The following RPTOR variants were observed in gnomAD, a reference collection of about 807,000 sequenced individuals.
RPTOR encodes the protein regulatory-associated protein of mTOR.
Under a neutral mutation model 169.9 loss-of-function variants are expected in RPTOR, and 21 were observed. That is an observed-to-expected ratio of 0.12 (90% confidence interval 0.09 to 0.18). RPTOR has a LOEUF of 0.18. RPTOR is among the 10% of genes least tolerant of loss of function. RPTOR has a pLI of 1.00. For missense variants in RPTOR, 1,133 were observed against 1,855.9 expected (o/e 0.61, Z 7.16); for synonymous variants, 732 against 753.2 (o/e 0.97, Z 0.46).
intron 7 of RPTOR, among the ~76,000 whole-genome samples, chr17:80,796,811 C>T (rs980759983): frequency 3.9e-5 from 6 of 152,214 alleles, no homozygotes; most frequent in Non-Finnish European, 5.9e-5. Context: ...GGGTGAACTC[C>T]CGTGGTGCCT....
At chr17:80,950,731 G>A (rs1338856445) in intron 28 of RPTOR, among the ~76,000 whole-genome samples, 1 of 152,132 alleles carries the variant, frequency 6.6e-6, no homozygotes, top group African/African-American at 2.4e-5. Context: ...GAGACAGCTG[G>A]ATGGCCAGCC....
intron 11 of RPTOR, among the ~76,000 whole-genome samples, chr17:80,855,216 A>G (rs569652922): frequency 1.4e-4 from 22 of 152,374 alleles, no homozygotes; most frequent in African/African-American, 5.1e-4. Flanking sequence ...CAATTAAAGC[A>G]TGTTTGTTCT....
rs956165391 is a variant in RPTOR, at chr17:80,687,040, A to G, written c.349-20801A>G. ...TGTCTGTGTCTTCCATAACCAAAAT[A>G]CATCACCCCACGCAATGCCTCCTAA... On this transcript the variant is annotated intron_variant, in intron 3 of 33. Coordinates refer to ENST00000306801, the MANE Select transcript of RPTOR (RefSeq NM_020761.3). Among the ~76,000 whole-genome samples the G allele has an allele frequency of 2.6e-5, 4 of 152,312 alleles. No individual in the cohort carries two copies. The East Asian group carries it at 7.7e-4, about 29-fold the overall frequency.
chr17:80,916,340 C>T (rs760579487), intron 21 of RPTOR, among the ~76,000 whole-genome samples: 4 of 152,214 alleles, frequency 2.6e-5, no homozygotes, highest in Non-Finnish European at 4.4e-5. Context: ...GTTGAAGCTG[C>T]TTGTAGTACA....
chr17:80,913,720 C>T (rs1196490939), intron 21 of RPTOR, among the ~76,000 whole-genome samples: 83 of 152,202 alleles, frequency 5.5e-4, no homozygotes, highest in South Asian at 3.7e-3. Flanking sequence ...CCCAAAATGC[C>T]AGGATTACAG....
At chr17:80,772,360 C>A (rs1411199826) in intron 6 of RPTOR, among the ~76,000 whole-genome samples, 2 of 152,174 alleles carry the variant, frequency 1.3e-5, no homozygotes, top group Non-Finnish European at 2.9e-5. Flanking sequence ...TCACTTGACC[C>A]AAATGGTGCT....
Position 80,708,077 on chromosome 17 carries a change from A to G in RPTOR, c.507+78A>G. The G allele has an allele frequency of 2.2e-6, 3 of 1,393,010 alleles. No individual in the cohort carries two copies. Among genetic ancestry groups the G allele is most frequent in the Non-Finnish European group, 2.0e-6 (2 of 1,018,628 alleles). 86.3% of individuals were successfully genotyped at this position (1,393,010 alleles called of 1,614,324 possible). A position where few individuals can be genotyped will look rare whatever the true frequency, so the allele number is the denominator to read the frequency against. Reference sequence around the variant, plus strand: ...GCGGTGGTCGGAGCAGGTCCTGCCCATCCGTAGCTTCTGTTAAGCCATTGA... The same window carrying G: ...GCGGTGGTCGGAGCAGGTCCTGCCCGTCCGTAGCTTCTGTTAAGCCATTGA... On this transcript the variant is annotated intron_variant, in intron 4 of 33. Transcript: ENST00000306801. The surrounding 1 kb of genome is among the most constrained non-coding windows in gnomAD (Gnocchi z 4.2).
chr17:80,667,908 A>G (rs538127688), intron 3 of RPTOR, among the ~76,000 whole-genome samples: 47 of 152,314 alleles, frequency 3.1e-4, no homozygotes, highest in Middle Eastern at 3.4e-3. Context: ...CTGTGAAATC[A>G]TTTTAGTGGG....
chr17:80,545,267 C>T lies in RPTOR; in HGVS notation c.-363C>T. On this transcript the variant is annotated 5_prime_UTR_variant, in exon 1 of 34. Transcript: ENST00000306801. Reference sequence around the variant, plus strand: ...TCGGAACTGCTGAGGCGGTGGAGGCCGAGAGCAGGGTCATCGTGAGGCCTG... The same window carrying T: ...TCGGAACTGCTGAGGCGGTGGAGGCTGAGAGCAGGGTCATCGTGAGGCCTG... 1 of 242,316 alleles carries T rather than the reference C, an allele frequency of 4.1e-6. No homozygotes were observed. Among genetic ancestry groups the T allele is most frequent in the Admixed American group, 5.5e-5 (1 of 18,112 alleles). 15.0% of individuals were successfully genotyped at this position (242,316 alleles called of 1,614,324 possible).
intron 1 of RPTOR, among the ~76,000 whole-genome samples, chr17:80,624,286 T>C (rs1319329346): frequency 6.6e-6 from 1 of 152,192 alleles, no homozygotes; most frequent in Non-Finnish European, 1.5e-5. Context: ...CCATATTATG[T>C]TCTGTATAGA....
intron 20 of RPTOR, among the ~76,000 whole-genome samples, chr17:80,898,589 C>A (rs1260216651): frequency 2.0e-5 from 3 of 151,568 alleles, no homozygotes; most frequent in Non-Finnish European, 4.4e-5. Context: ...TTGAGTTTTT[C>A]TTCCTTCCTA....
At chr17:80,686,982 TTTCAG>T (rs58153994) in intron 3 of RPTOR, among the ~76,000 whole-genome samples, 61,392 of 151,742 alleles carry the variant, frequency 0.4, 12,907 homozygotes, top group East Asian at 0.55. Flanking sequence ...ACTCTTGTTC[TTTCAG>T]TTCAGTAACC....
chr17:80,662,003 C>T (rs2065727828), intron 3 of RPTOR, among the ~76,000 whole-genome samples: 1 of 152,202 alleles, frequency 6.6e-6, no homozygotes, highest in African/African-American at 2.4e-5. Flanking sequence ...GCTTAGAACA[C>T]CCGTTTTTCA....
chr17:80,897,332 C>T (rs531717769), intron 20 of RPTOR, among the ~76,000 whole-genome samples: 9 of 151,954 alleles, frequency 5.9e-5, no homozygotes, highest in Middle Eastern at 3.4e-3. Flanking sequence ...ACCTTTGATA[C>T]GACATTTGCT....
chr17:80,561,067 C>CATTTT (rs1375469126), intron 1 of RPTOR, among the ~76,000 whole-genome samples: 1 of 151,828 alleles, frequency 6.6e-6, no homozygotes, highest in African/African-American at 2.4e-5. Flanking sequence ...TTCAGAATGG[C>CATTTT]ATTTTATTTT....
chr17:80,924,549 G>A (rs1433923602), intron 23 of RPTOR, among the ~76,000 whole-genome samples: 5 of 152,244 alleles, frequency 3.3e-5, no homozygotes, highest in East Asian at 1.9e-4. Context: ...TGGACTTTCC[G>A]TGTCTCGGCA....
chr17:80,642,663 T>C (rs778009514), intron 2 of RPTOR, among the ~76,000 whole-genome samples: 7 of 152,246 alleles, frequency 4.6e-5, no homozygotes, highest in African/African-American at 7.2e-5. Context: ...AGTTCGTTGA[T>C]GTGGTTTCAG....
intron 3 of RPTOR, among the ~76,000 whole-genome samples, chr17:80,699,445 A>G (rs572191110): frequency 4.0e-5 from 6 of 148,982 alleles, no homozygotes; most frequent in Admixed American, 3.3e-4. Context: ...AGTGATGGGG[A>G]GCAAGAGGTG....
intron 2 of RPTOR, among the ~76,000 whole-genome samples, chr17:80,630,434 G>T (rs949221684): frequency 1.3e-5 from 2 of 152,168 alleles, no homozygotes; most frequent in Non-Finnish European, 2.9e-5. Context: ...GAGAAACAGG[G>T]GCAGTAGATG....
Sources: allele counts gnomAD v4.1 joint callset (sites outside exome capture counted in the v4.1 genomes callset), GRCh38; gene constraint gnomAD v4.1.1; non-coding constraint Gnocchi (gnomAD v3.1); transcripts MANE v1.5; gene names NCBI Gene and HGNC (gene_info 2026-07-23, HGNC 2026-07-21).